PTPRD: variants seen among roughly 807,000 people sequenced by gnomAD.
The protein encoded by PTPRD is protein tyrosine phosphatase receptor type D.
In PTPRD, 34 loss-of-function variants were observed where a neutral mutation model predicts 214.5. The ratio of observed to expected loss-of-function variants is 0.16; its 90% CI spans 0.12 to 0.21. The LOEUF (loss-of-function observed/expected upper bound fraction) is 0.21, where lower values mean the gene tolerates loss of function less well. PTPRD is among the 10% of genes least tolerant of loss of function. The pLI is 1.00. For synonymous variants in PTPRD, 1,128 were observed against 845.7 expected (o/e 1.33, Z -5.79); for missense variants, 2,545 against 2,398.7 (o/e 1.06, Z -1.27).
intron 10 of PTPRD, among the ~76,000 whole-genome samples, chr9:9,030,276 CTTTTTTTTTTTTTTTTTTTTT>C (rs71317396): frequency 7.9e-5 from 3 of 37,928 alleles, no homozygotes; most frequent in Non-Finnish European, 1.3e-4. Flanking sequence ...CACACTTGGG[CTTTTTTTTTTTTTTTTTTTTT>C]TTTTTTTTTT....
At chr9:8,413,813 A>G (rs2093698620) in intron 35 of PTPRD, among the ~76,000 whole-genome samples, 1 of 152,204 alleles carries the variant, frequency 6.6e-6, no homozygotes, top group African/African-American at 2.4e-5. Context: ...AGAGTTTAGT[A>G]TCTTTCTAAA....
At chr9:9,186,614 CTCTCTCTCTGTCTCTCCCTCTCT>C (rs2099931676) in intron 9 of PTPRD, among the ~76,000 whole-genome samples, 3 of 138,534 alleles carry the variant, frequency 2.2e-5, no homozygotes, top group Non-Finnish European at 4.6e-5. Context: ...CTGTCTCTCT[CTCTCTCTCTGTCTCTCCCTCTCT>C]CTCTCTCTCT....
intron 36 of PTPRD, among the ~76,000 whole-genome samples, chr9:8,396,769 C>T (rs746775088): frequency 7.2e-5 from 11 of 152,170 alleles, no homozygotes; most frequent in Non-Finnish European, 1.3e-4. Context: ...GAGAAAGATG[C>T]CATTTACACA....
chr9:9,326,210 G>A (rs989020056), intron 9 of PTPRD, among the ~76,000 whole-genome samples: 6 of 152,080 alleles, frequency 3.9e-5, no homozygotes, highest in South Asian at 2.1e-4. Flanking sequence ...CCAGGAAGCC[G>A]TATCTTTTAG....
chr9:9,246,649 G>C (rs1428316659), intron 9 of PTPRD, among the ~76,000 whole-genome samples: 1 of 151,924 alleles, frequency 6.6e-6, no homozygotes, highest in African/African-American at 2.4e-5. Flanking sequence ...GTATGTAACT[G>C]CTCACACCAT....
In PTPRD at chr9:9,692,794, C is replaced by T. The variant is rs1038483280; in HGVS notation, c.-287+41739G>A. On this transcript the variant is annotated intron_variant, in intron 7 of 45. Transcript: ENST00000381196. ...TTGTTTCCATTTTTTTTAGTGGCCTCTTAAATTTCTTTCATCAGTGTTTTA... is the reference window on the plus strand; with the variant it reads ...TTGTTTCCATTTTTTTTAGTGGCCTTTTAAATTTCTTTCATCAGTGTTTTA... 2.0e-5 allele frequency among the ~76,000 whole-genome samples: 3 copies of T among 151,798 alleles called. No homozygotes were observed. In the South Asian group the frequency reaches 6.2e-4, roughly 31 times the overall value.
At chr9:9,912,802 A>T (rs2079584521) in intron 5 of PTPRD, among the ~76,000 whole-genome samples, 3 of 152,200 alleles carry the variant, frequency 2.0e-5, no homozygotes, top group South Asian at 4.1e-4. Flanking sequence ...TTTGTAAACA[A>T]ATGTGATTCA....
At chr9:10,231,956 TAGAGAGAGAGAG>T (rs56151511) in intron 3 of PTPRD, among the ~76,000 whole-genome samples, 9,862 of 108,530 alleles carry the variant, frequency 0.091, 504 homozygotes, top group Middle Eastern at 0.14. Context: ...GGGAATGAAT[TAGAGAGAGAGAG>T]AGAGAGAGAG....
intron 7 of PTPRD, among the ~76,000 whole-genome samples, chr9:9,697,909 T>A (rs926757857): frequency 1.3e-5 from 2 of 152,210 alleles, no homozygotes; most frequent in African/African-American, 4.8e-5. Flanking sequence ...GATTCTTTCC[T>A]CTACTTGATC....
At chr9:10,397,139 A>C (rs915280214) in intron 2 of PTPRD, among the ~76,000 whole-genome samples, 2 of 152,050 alleles carry the variant, frequency 1.3e-5, no homozygotes, top group African/African-American at 4.8e-5. Context: ...TCGAAAAGGC[A>C]ACAATTTAAA....
At chr9:9,381,824 T>C (rs2062383299) in intron 9 of PTPRD, among the ~76,000 whole-genome samples, 1 of 151,906 alleles carries the variant, frequency 6.6e-6, no homozygotes, top group Non-Finnish European at 1.5e-5. Flanking sequence ...AGCTTATGTC[T>C]TTTTTTCCCC....
chr9:9,938,945 G>A (rs760716464), intron 4 of PTPRD, among the ~76,000 whole-genome samples: 1 of 151,654 alleles, frequency 6.6e-6, no homozygotes, highest in Non-Finnish European at 1.5e-5. Context: ...CTTGGAAACA[G>A]TAAATCAAAA....
intron 8 of PTPRD, among the ~76,000 whole-genome samples, chr9:9,410,024 T>C (rs755829440): frequency 6.6e-6 from 1 of 152,186 alleles, no homozygotes; most frequent in African/African-American, 2.4e-5. Context: ...TTTTAATAAA[T>C]GTTTTATCAA....
At chr9:8,887,551 A>G (rs184689110) in intron 11 of PTPRD, among the ~76,000 whole-genome samples, 9 of 152,168 alleles carry the variant, frequency 5.9e-5, no homozygotes, top group Admixed American at 2.0e-4. Flanking sequence ...GCAAACATCA[A>G]TGTGTCATAA....
intron 11 of PTPRD, among the ~76,000 whole-genome samples, chr9:8,873,046 G>C (rs532295674): frequency 5.9e-5 from 9 of 152,272 alleles, no homozygotes; most frequent in African/African-American, 2.2e-4. Context: ...GTTCAAATTG[G>C]TCACTGTGTA....
intron 5 of PTPRD, among the ~76,000 whole-genome samples, chr9:9,877,840 G>T (rs953760430): frequency 2.0e-5 from 3 of 152,084 alleles, no homozygotes; most frequent in African/African-American, 7.2e-5. Flanking sequence ...AGGCACGGTG[G>T]CCCATGCCTG....
At chr9:9,769,547 C>T (rs761454633) in intron 5 of PTPRD, among the ~76,000 whole-genome samples, 1 of 151,700 alleles carries the variant, frequency 6.6e-6, no homozygotes, top group East Asian at 2.0e-4. Flanking sequence ...AGGATGGGCT[C>T]GATCTCCTGA....
At chr9:8,934,423 A>ATATATATATAAATATATATATAGATT in intron 11 of PTPRD, among the ~76,000 whole-genome samples, 1 of 60,052 alleles carries the variant, frequency 1.7e-5, no homozygotes, top group Non-Finnish European at 2.9e-5. Flanking sequence ...GTGTGTGTGT[A>ATATATATATAAATATATATATAGATT]TATATATATA....
chr9:10,101,353 C>T (rs370961007), intron 3 of PTPRD, among the ~76,000 whole-genome samples: 1 of 151,816 alleles, frequency 6.6e-6, no homozygotes, highest in East Asian at 1.9e-4. Context: ...TTTGCAGAAG[C>T]ATAAATTGCA....
Sources: gnomAD v4.1 joint callset for allele counts (sites outside exome capture counted in the v4.1 genomes callset) on GRCh38, gnomAD v4.1.1 for gene constraint, MANE v1.5 for transcripts, NCBI Gene and HGNC (gene_info 2026-07-23, HGNC 2026-07-21) for gene names.